DACH2: variants seen among roughly 807,000 people sequenced by gnomAD.
The protein encoded by DACH2 is dachshund family transcription factor 2.
DACH2 carries 17 observed loss-of-function variants against 35.8 expected under a neutral mutation model. The ratio of observed to expected loss-of-function variants is 0.48; its 90% CI spans 0.33 to 0.71. The LOEUF (loss-of-function observed/expected upper bound fraction) is 0.71, where lower values mean the gene tolerates loss of function less well. Ranked by LOEUF, DACH2 falls within the 30% of genes least tolerant of loss-of-function variation. DACH2 has a pLI of 0.02. For synonymous variants in DACH2, 195 were observed against 177.3 expected (o/e 1.10, Z -0.79); for missense variants, 469 against 472.7 (o/e 0.99, Z 0.07).
chrX:86,727,361 G>C (rs1434521682), intron 6 of DACH2, among the ~76,000 whole-genome samples: 2 of 111,728 alleles, frequency 1.8e-5, no homozygotes, highest in Non-Finnish European at 3.8e-5. Context: ...TCCAAAAAAT[G>C]TGTTTAGTTA....
intron 2 of DACH2, among the ~76,000 whole-genome samples, chrX:86,491,780 C>A (rs1227603375): frequency 1.8e-5 from 2 of 111,615 alleles, no homozygotes; most frequent in African/African-American, 6.5e-5. Context: ...AAACTGAGTT[C>A]TAGCTTTTAC....
intron 2 of DACH2, among the ~76,000 whole-genome samples, chrX:86,455,779 G>A (rs190371483): frequency 2.0e-3 from 225 of 112,369 alleles, no homozygotes; most frequent in Non-Finnish European, 3.3e-3. Context: ...AACTTTTGAC[G>A]TGCTGTGGAA....
intron 7 of DACH2, among the ~76,000 whole-genome samples, chrX:86,792,069 G>C (rs977159424): frequency 9.0e-6 from 1 of 111,398 alleles, no homozygotes; most frequent in Admixed American, 9.6e-5. Flanking sequence ...TCTTCAAAAG[G>C]GTGGACATCT....
At chrX:86,831,270 T>C (rs1027165764) in intron 11 of DACH2, 5 of 111,645 alleles carry the variant, frequency 4.5e-5, no homozygotes, top group Non-Finnish European at 9.4e-5. Context: ...AGTCCAACAA[T>C]GATAATGTCC....
chrX:86,400,243 A>G (rs2036397331), intron 2 of DACH2, among the ~76,000 whole-genome samples: 1 of 110,696 alleles, frequency 9.0e-6, no homozygotes. Context: ...AGGTCCTTTA[A>G]GGACTTCTCT....
chrX:86,403,889 A>G (rs2036478241), intron 2 of DACH2, among the ~76,000 whole-genome samples: 1 of 111,187 alleles, frequency 9.0e-6, no homozygotes, highest in Non-Finnish European at 1.9e-5. Context: ...GGGAGGACTC[A>G]GGAGACTTAC....
chrX:86,249,657 C>A (rs771193499), intron 1 of DACH2, among the ~76,000 whole-genome samples: 38 of 111,057 alleles, frequency 3.4e-4, no homozygotes, highest in Admixed American at 2.3e-3. Flanking sequence ...TTCTTGAAGA[C>A]CTTAAAACAT....
intron 4 of DACH2, among the ~76,000 whole-genome samples, chrX:86,655,983 A>G (rs763835253): frequency 1.8e-5 from 2 of 109,300 alleles, no homozygotes; most frequent in Admixed American, 2.0e-4. Context: ...ACCAAGGAGT[A>G]TATCATCAAG....
At chrX:86,202,555 G>A (rs1048238757) in intron 1 of DACH2, among the ~76,000 whole-genome samples, 1 of 111,406 alleles carries the variant, frequency 9.0e-6, no homozygotes, top group Non-Finnish European at 1.9e-5. Flanking sequence ...GTATTATTGA[G>A]GTGAAGGGTA....
chrX:86,400,554 T>C (rs1474383877), intron 2 of DACH2, among the ~76,000 whole-genome samples: 4 of 111,789 alleles, frequency 3.6e-5, no homozygotes, highest in Non-Finnish European at 1.9e-5. Context: ...CAGATGGGTT[T>C]TTGGTGTGGA....
intron 2 of DACH2, among the ~76,000 whole-genome samples, chrX:86,377,716 ATCCATATTTT>A (rs2035990112): frequency 1.8e-5 from 2 of 110,221 alleles, no homozygotes; most frequent in Admixed American, 9.7e-5. Flanking sequence ...TGCAGGCTTT[ATCCATATTTT>A]TCTATAAGAA....
chrX:86,500,884 C>T (rs536724316), intron 2 of DACH2, among the ~76,000 whole-genome samples: 2 of 111,444 alleles, frequency 1.8e-5, no homozygotes, highest in South Asian at 3.7e-4. Context: ...ATTTCATTGC[C>T]GACTTTTTAC....
chrX:86,317,952 A>G (rs1050506484), intron 1 of DACH2, among the ~76,000 whole-genome samples: 2 of 111,759 alleles, frequency 1.8e-5, no homozygotes, highest in African/African-American at 6.5e-5. Context: ...TTGCAAGTCA[A>G]GCTTGACTCC....
intron 2 of DACH2, among the ~76,000 whole-genome samples, chrX:86,482,990 T>TGGGGGGGG (rs1602569578): frequency 1.8e-4 from 1 of 5,500 alleles, no homozygotes; most frequent in Non-Finnish European, 3.3e-4. Context: ...GGGACTGTTG[T>TGGGGGGGG]GGGGTGGGGG....
intron 1 of DACH2, among the ~76,000 whole-genome samples, chrX:86,337,743 C>A (rs1012166287): frequency 9.0e-6 from 1 of 111,617 alleles, no homozygotes; most frequent in Non-Finnish European, 1.9e-5. Flanking sequence ...GGGCTAAATA[C>A]CCTAATTAAA....
intron 11 of DACH2, among the ~76,000 whole-genome samples, chrX:86,823,635 G>A (rs780655900): frequency 1.3e-4 from 14 of 111,561 alleles, no homozygotes; most frequent in South Asian, 1.1e-3. Flanking sequence ...AGGGGAACCC[G>A]CCCCCAATAT....
rs536477623 is a variant in DACH2 at position 86,462,429 on chromosome X, G to T, written c.528-51850G>T. ...AAAGCTAAAATTTGAAAATCTGTAG[G>T]TACTAGTAAAGTTTCCCTATTGAAA... On this transcript the variant is annotated intron_variant, in intron 2 of 11. Transcript: ENST00000373125. Among the ~76,000 whole-genome samples the T allele has an allele frequency of 1.1e-4, 12 of 111,277 alleles. No homozygotes were observed. In the South Asian group the frequency reaches 4.5e-3, roughly 41 times the overall value.
intron 1 of DACH2, among the ~76,000 whole-genome samples, chrX:86,209,021 G>A (rs1395197817): frequency 1.8e-5 from 2 of 111,466 alleles, no homozygotes; most frequent in Admixed American, 1.9e-4. Flanking sequence ...AAGCTTTAAG[G>A]CACTCAGTCT....
rs762382084 is a variant in DACH2, at chrX:86,257,409, T to C, written c.488+108301T>C. ...TCTGTCATTGGATCTAGCTGACAGATCATATGGAAAAGGGAGTGAGATATA... is the reference window on the plus strand; with the variant it reads ...TCTGTCATTGGATCTAGCTGACAGACCATATGGAAAAGGGAGTGAGATATA... On this transcript the variant is annotated intron_variant, in intron 1 of 11. Coordinates refer to ENST00000373125, the MANE Select transcript of DACH2 (RefSeq NM_053281.3). Among the ~76,000 whole-genome samples, 11 of 112,036 alleles carry C rather than the reference T, an allele frequency of 9.8e-5. No individual in the cohort carries two copies. The East Asian group carries it at 3.1e-3, about 32-fold the overall frequency.
Sources: allele counts gnomAD v4.1 joint callset (sites outside exome capture counted in the v4.1 genomes callset), GRCh38; gene constraint gnomAD v4.1.1; transcripts MANE v1.5; gene names NCBI Gene and HGNC (gene_info 2026-07-23, HGNC 2026-07-21).